The following UNC80 variants were observed in gnomAD, a reference collection of about 807,000 sequenced individuals.
UNC80 encodes the protein unc-80 subunit of NALCN channel complex, also known as protein unc-80 homolog.
In UNC80, 164 loss-of-function variants were observed where a neutral mutation model predicts 384.6. That is an observed-to-expected ratio of 0.43 (90% CI 0.38 to 0.49). The LOEUF is 0.49. UNC80 is among the 20% of genes least tolerant of loss of function. The pLI is 0.00. For synonymous variants in UNC80, 1,486 were observed against 1,527.8 expected (o/e 0.97, Z 0.64); for missense variants, 3,330 against 4,143.0 (o/e 0.80, Z 5.39).
chr2:209,879,045 T>G (rs908554954), intron 24 of UNC80, among the ~76,000 whole-genome samples: 4 of 152,138 alleles, frequency 2.6e-5, no homozygotes, highest in Admixed American at 2.6e-4. Flanking sequence ...AGTTTTTTTT[T>G]TTTTGCATTT....
chr2:209,814,309 C>A (rs2079574125), intron 8 of UNC80, among the ~76,000 whole-genome samples: 1 of 151,902 alleles, frequency 6.6e-6, no homozygotes, highest in Non-Finnish European at 1.5e-5. Context: ...GATCTTGGCT[C>A]ACTGCAAGCT....
intron 61 of UNC80, among the ~76,000 whole-genome samples, chr2:209,986,987 A>G (rs1301191779): frequency 3.3e-5 from 5 of 152,200 alleles, no homozygotes; most frequent in African/African-American, 4.8e-5. Flanking sequence ...TAAGGCATTA[A>G]CCAGGTAATG....
At chr2:209,852,174 A>G (rs2082579921) in intron 22 of UNC80, among the ~76,000 whole-genome samples, 1 of 152,072 alleles carries the variant, frequency 6.6e-6, no homozygotes, top group Admixed American at 6.6e-5. Context: ...AATGTACAGG[A>G]GGATCAAGCA....
chr2:209,957,665 G>A lies in UNC80; in HGVS notation c.7479G>A (p.Met2493Ile). Residue 2493 changes from methionine to isoleucine, a missense_variant, in exon 49 of 65, where the codon ATG (methionine) becomes ATA (isoleucine). Coordinates refer to ENST00000673920, the MANE Select transcript of UNC80 (RefSeq NM_001371986.1). ...VLTRPMTAPQMSRCDQGHKGT... is the reference protein window; with the variant it reads ...VLTRPMTAPQISRCDQGHKGT... ...ACAGGCCCATGACAGCCCCACAGAT[G>A]AGCAGGTGTGACCAAGGTCATAAGG... The A allele has an allele frequency of 1.3e-6, 2 of 1,551,476 alleles. No individual in the cohort carries two copies. The highest frequency in any genetic ancestry group is 1.7e-6 in the Non-Finnish European group (2 of 1,146,832).
At chr2:209,858,141 T>A (rs1403454481) in intron 22 of UNC80, among the ~76,000 whole-genome samples, 1 of 152,202 alleles carries the variant, frequency 6.6e-6, no homozygotes, top group East Asian at 1.9e-4. Flanking sequence ...ATACGTTCAT[T>A]TGTATTTACA....
At chr2:209,853,373 G>C (rs1041397237) in intron 22 of UNC80, among the ~76,000 whole-genome samples, 5 of 151,970 alleles carry the variant, frequency 3.3e-5, no homozygotes, top group African/African-American at 1.2e-4. Flanking sequence ...AGAATTGTTA[G>C]ATGAAAGAAA....
chr2:209,842,335 T>A lies in UNC80; in HGVS notation c.3358-15T>A. 6.5e-7 allele frequency: 1 copy of A among 1,537,276 alleles called. No individual in the cohort carries two copies. Among genetic ancestry groups the A allele is most frequent in the Non-Finnish European group, 8.8e-7 (1 of 1,139,522 alleles). ...AATCTTATCTCTCTACTTTCCTTTT[T>A]TTTTCTTTTTTCAGGTCAAATTCAC... On this transcript the variant is annotated splice_polypyrimidine_tract_variant and intron_variant, in intron 20 of 64. Transcript: ENST00000673920.
intron 51 of UNC80, among the ~76,000 whole-genome samples, chr2:209,966,689 G>T (rs911396776): frequency 1.3e-5 from 2 of 152,192 alleles, no homozygotes; most frequent in Non-Finnish European, 2.9e-5. Context: ...GCAAGCCTGG[G>T]CCAACCTTGA....
At chr2:209,939,249 T>A (rs2091461597) in intron 42 of UNC80, among the ~76,000 whole-genome samples, 1 of 152,200 alleles carries the variant, frequency 6.6e-6, no homozygotes, top group South Asian at 2.1e-4. Context: ...AAGGAACATT[T>A]CCTTCTGTAA....
chr2:209,792,634 A>C (rs1429563670), intron 6 of UNC80, among the ~76,000 whole-genome samples: 1 of 152,168 alleles, frequency 6.6e-6, no homozygotes, highest in Non-Finnish European at 1.5e-5. Flanking sequence ...GGCATGAGCC[A>C]CCGCGCCCGG....
intron 51 of UNC80, among the ~76,000 whole-genome samples, chr2:209,963,398 G>A (rs2092653902): frequency 6.6e-6 from 1 of 152,130 alleles, no homozygotes; most frequent in Non-Finnish European, 1.5e-5. Context: ...TGTGGGAAAG[G>A]GAAATTTTGT....
At chr2:209,987,287 T>C (rs1336763322) in intron 61 of UNC80, among the ~76,000 whole-genome samples, 2 of 152,084 alleles carry the variant, frequency 1.3e-5, no homozygotes, top group African/African-American at 2.4e-5. Context: ...GCCATACCTA[T>C]AGAAAATTAC....
At position 209,820,460 on chromosome 2, in the gene UNC80, T is replaced by C; in HGVS notation, c.2112T>C (p.Asn704=). The change falls in exon 13 of 65, where the codon AAT becomes AAC. Residue 704 remains asparagine (N), a synonymous_variant. Transcript: ENST00000673920. ...GAAAGAAGAGTGAAAACAAGGAAAA[T>C]GAGACCTTGGAAAAGAGGCCAAGTG... is the stretch of plus-strand genomic sequence containing the variant. ...KNRKKSENKE[N]ETLEKRPSEG... 2 of 1,551,508 alleles carry C rather than the reference T, an allele frequency of 1.3e-6. No individual in the cohort carries two copies. The highest frequency in any genetic ancestry group is 1.2e-5 in the South Asian group (1 of 84,046).
intron 56 of UNC80, among the ~76,000 whole-genome samples, chr2:209,974,867 G>A (rs1385802937): frequency 6.6e-6 from 1 of 152,236 alleles, no homozygotes; most frequent in East Asian, 1.9e-4. Context: ...CAGCCAACAG[G>A]CCTAGTAACA....
At chr2:209,964,931 G>T (rs2092702302) in intron 51 of UNC80, among the ~76,000 whole-genome samples, 1 of 152,020 alleles carries the variant, frequency 6.6e-6, no homozygotes. Flanking sequence ...ATGTGTGAAT[G>T]TTGAAAACTG....
At chr2:209,972,012 C>A (rs1457171493) in intron 54 of UNC80, among the ~76,000 whole-genome samples, 189 bp from the exon 55 acceptor site, 1 of 152,142 alleles carries the variant, frequency 6.6e-6, no homozygotes, top group African/African-American at 2.4e-5. Context: ...GTATAGCTCT[C>A]AATTATATCA....
At chr2:209,921,829 A>G in intron 34 of UNC80, 143 bp downstream of exon 34, 1 of 1,084,464 alleles carries the variant, frequency 9.2e-7, no homozygotes, top group Non-Finnish European at 1.3e-6. Context: ...AACCAAAGAA[A>G]GAGAAAAGTT....
chr2:209,945,090 C>CAAA lies in UNC80; in HGVS notation c.7091_7092insAAA (p.Gln2364_Cys2365insLys). ...TGGGCCCAGCAAAGGTGTGTCAGCTCAGTGCCTGTTTGACTTGCTGCAGTC... is the reference window on the plus strand; with the variant it reads ...TGGGCCCAGCAAAGGTGTGTCAGCTCAAAAGTGCCTGTTTGACTTGCTGCAGTC... On this transcript the variant is annotated inframe_insertion, in exon 46 of 65. Transcript: ENST00000673920. 1 of 1,551,708 alleles carries CAAA rather than the reference C, an allele frequency of 6.4e-7. No individual in the cohort carries two copies. Among genetic ancestry groups the CAAA allele is most frequent in the South Asian group, 1.2e-5 (1 of 84,036 alleles).
intron 6 of UNC80, 82 bp downstream of exon 6, chr2:209,789,687 T>C (rs1388836287): frequency 2.0e-6 from 2 of 989,186 alleles, no homozygotes; most frequent in African/African-American, 1.6e-5. Context: ...ACATGAGTTC[T>C]AGAATCACTA....
Sources: gnomAD v4.1 joint callset for allele counts (sites outside exome capture counted in the v4.1 genomes callset) on GRCh38, gnomAD v4.1.1 for gene constraint, MANE v1.5 for transcripts, NCBI Gene and HGNC (gene_info 2026-07-23, HGNC 2026-07-21) for gene names.